The following GAS7 variants were observed in gnomAD, a reference collection of about 807,000 sequenced individuals.
The protein encoded by GAS7 is growth arrest-specific protein 7.
Under a neutral mutation model 71.1 loss-of-function variants are expected in GAS7, and 28 were observed. That is an observed-to-expected ratio of 0.39 (90% CI 0.29 to 0.54). The LOEUF is 0.54. Ranked by LOEUF, GAS7 falls within the 20% of genes least tolerant of loss-of-function variation. The pLI is 0.62. For missense variants in GAS7, 436 were observed against 627.8 expected (o/e 0.69, Z 3.27); for synonymous variants, 258 against 245.8 (o/e 1.05, Z -0.46).
At chr17:10,011,058 T>C (rs1233818928) in intron 2 of GAS7, among the ~76,000 whole-genome samples, 2 of 152,242 alleles carry the variant, frequency 1.3e-5, no homozygotes, top group Non-Finnish European at 2.9e-5. Flanking sequence ...AGGATGATTA[T>C]GAAGCAAAAT....
intron 1 of GAS7, among the ~76,000 whole-genome samples, chr17:10,087,270 C>G (rs949914642): frequency 1.3e-5 from 2 of 152,218 alleles, no homozygotes; most frequent in African/African-American, 4.8e-5. Flanking sequence ...TAGCCCTCCC[C>G]ACAATGACCA....
At chr17:9,987,866 C>T (rs1381078024) in intron 2 of GAS7, among the ~76,000 whole-genome samples, 1 of 152,252 alleles carries the variant, frequency 6.6e-6, no homozygotes, top group African/African-American at 2.4e-5. Flanking sequence ...AGTGGGAAAG[C>T]CACAAGGAGC....
At chr17:10,182,596 A>T (rs1448553097) in intron 1 of GAS7, among the ~76,000 whole-genome samples, 2 of 152,216 alleles carry the variant, frequency 1.3e-5, no homozygotes, top group African/African-American at 2.4e-5. Context: ...ACAGATGGAC[A>T]TCACTAGGGG....
intron 5 of GAS7, among the ~76,000 whole-genome samples, chr17:9,954,581 G>T (rs144306776): frequency 4.6e-4 from 70 of 152,230 alleles, no homozygotes; most frequent in African/African-American, 1.7e-3. Flanking sequence ...GCACCATGAA[G>T]TCAATTCAGT....
intron 1 of GAS7, among the ~76,000 whole-genome samples, chr17:10,062,875 C>T (rs79821778): frequency 1.3e-5 from 2 of 152,332 alleles, no homozygotes; most frequent in East Asian, 1.9e-4. Context: ...TGCCCTCTCA[C>T]CCCCCAGGAT....
chr17:10,185,949 A>ATT (rs148937908), intron 1 of GAS7, among the ~76,000 whole-genome samples: 21 of 92,528 alleles, frequency 2.3e-4, no homozygotes, highest in African/African-American at 4.6e-4. Flanking sequence ...ATCAGTCTGC[A>ATT]TTTTTTTTTT....
intron 1 of GAS7, among the ~76,000 whole-genome samples, chr17:10,142,186 G>C (rs1028793629): frequency 6.7e-6 from 1 of 149,964 alleles, no homozygotes. Context: ...ACTGCAGTCC[G>C]GCCTGGGCGA....
chr17:10,155,949 G>A (rs2074201914), intron 1 of GAS7, among the ~76,000 whole-genome samples: 1 of 152,102 alleles, frequency 6.6e-6, no homozygotes, highest in African/African-American at 2.4e-5. Flanking sequence ...ATGCCACACA[G>A]GCATGGATGA....
chr17:10,072,497 ACT>A (rs1399493963), intron 1 of GAS7, among the ~76,000 whole-genome samples: 1 of 151,946 alleles, frequency 6.6e-6, no homozygotes, highest in Non-Finnish European at 1.5e-5. Flanking sequence ...GAAGGCCAAG[ACT>A]CTGTGTAGAG....
At chr17:10,033,101 G>A (rs8076491) in intron 1 of GAS7, among the ~76,000 whole-genome samples, 29,595 of 152,086 alleles carry the variant, frequency 0.19, 3,770 homozygotes, top group African/African-American at 0.36. Context: ...AAAGATTAAT[G>A]ATCTTGACAT....
At chr17:9,934,500 G>A (rs1165359365) in intron 8 of GAS7, among the ~76,000 whole-genome samples, 1 of 151,882 alleles carries the variant, frequency 6.6e-6, no homozygotes, top group East Asian at 1.9e-4. Flanking sequence ...CCAAGAGGTG[G>A]GGGGGGTGGG....
rs1555611392 is a variant in GAS7 at position 9,982,862 on chromosome 17, A to AAAGC, written c.305-979_305-978insGCTT. On this transcript the variant is annotated intron_variant, in intron 2 of 13. Coordinates refer to ENST00000432992, the MANE Select transcript of GAS7 (RefSeq NM_201433.2). ...GAAAGAAAGAAAGAAAGAAAGAAAGAAAGAAAGCAAAGAAAGCAAAGAAAG... is the reference window on the plus strand; with the variant it reads ...GAAAGAAAGAAAGAAAGAAAGAAAGAAAGCAAGAAAGCAAAGAAAGCAAAGAAAG... Among the ~76,000 whole-genome samples, 614 of 143,686 alleles carry AAAGC rather than the reference A, an allele frequency of 4.3e-3. 5 individuals carry two copies. The highest frequency in any genetic ancestry group is 0.011 in the Middle Eastern group (3 of 270). The allele number at this position is 143,686 out of a possible 152,430, so 94.3% of individuals were successfully genotyped here.
intron 1 of GAS7, among the ~76,000 whole-genome samples, chr17:10,173,584 C>T (rs1420194533): frequency 3.9e-5 from 6 of 151,924 alleles, no homozygotes; most frequent in South Asian, 2.1e-4. Flanking sequence ...CTGGCTAACA[C>T]GGTGAAACCC....
In GAS7 at chr17:9,974,318, G is replaced by C. The variant is rs2152122617; in HGVS notation, c.386-4556C>G. Among the ~76,000 whole-genome samples, 1 of 152,118 alleles carries C rather than the reference G, an allele frequency of 6.6e-6. No homozygotes were observed. Among genetic ancestry groups the C allele is most frequent in the South Asian group, 2.1e-4 (1 of 4,814 alleles). ...AGATCTAGACAGTTATAGCCCACAA[G>C]ATCCTGGCAACCCTCACCCACGGCA... On this transcript the variant is annotated intron_variant, in intron 3 of 13. Coordinates refer to ENST00000432992, the MANE Select transcript of GAS7 (RefSeq NM_201433.2). The surrounding 1 kb of genome is among the most constrained non-coding windows in gnomAD (Gnocchi z 4.0).
chr17:9,911,436 AG>A lies in GAS7; in HGVS notation c.*5791del. The A allele has an allele frequency of 4.3e-6, 1 of 233,410 alleles. No individual in the cohort carries two copies. 14.5% of individuals were successfully genotyped at this position (233,410 alleles called of 1,614,324 possible). On this transcript the variant is annotated 3_prime_UTR_variant, in exon 14 of 14. Coordinates refer to ENST00000432992, the MANE Select transcript of GAS7 (RefSeq NM_201433.2). This position sits in a 1 kb window ranked among gnomAD's most constrained non-coding sequence, Gnocchi z 4.0. ...CCACTAAAGTTTCCCTCAAACACCAAGGAACAGTCCTGAACACCACACGCAA... is the reference window on the plus strand; with the variant it reads ...CCACTAAAGTTTCCCTCAAACACCAAGAACAGTCCTGAACACCACACGCAA...
At chr17:10,000,975 C>T (rs558069864) in intron 2 of GAS7, among the ~76,000 whole-genome samples, 97 of 152,136 alleles carry the variant, frequency 6.4e-4, no homozygotes, top group African/African-American at 2.3e-3. Context: ...AGAGAGCACA[C>T]GGGCTGGGCA....
At chr17:9,917,861 C>T in intron 13 of GAS7, 140 bp downstream of exon 13, 2 of 630,534 alleles carry the variant, frequency 3.2e-6, no homozygotes, top group South Asian at 1.9e-5. Context: ...CGAGGCCACC[C>T]CCAGGCCAGA....
chr17:9,998,578 G>A (rs903353113), intron 2 of GAS7, among the ~76,000 whole-genome samples: 4 of 151,928 alleles, frequency 2.6e-5, no homozygotes, highest in Non-Finnish European at 5.9e-5. Flanking sequence ...ACCAGCCTGG[G>A]CAATATAGTG....
At chr17:10,058,259 AAAAC>A (rs1199123123) in intron 1 of GAS7, among the ~76,000 whole-genome samples, 3,360 of 143,872 alleles carry the variant, frequency 0.023, 108 homozygotes, top group African/African-American at 0.093. Context: ...ACTAAAAACA[AAAAC>A]AAAAACAAAA....
Sources: allele counts gnomAD v4.1 joint callset (sites outside exome capture counted in the v4.1 genomes callset), GRCh38; gene constraint gnomAD v4.1.1; non-coding constraint Gnocchi (gnomAD v3.1); transcripts MANE v1.5; gene names NCBI Gene and HGNC (gene_info 2026-07-23, HGNC 2026-07-21).